The following LNPK variants were observed in gnomAD, a reference collection of about 807,000 sequenced individuals.
LNPK encodes endoplasmic reticulum junction formation protein lunapark.
Under a neutral mutation model 55.2 loss-of-function variants are expected in LNPK, and 29 were observed. That is an observed-to-expected ratio of 0.53 (90% CI 0.39 to 0.72). LNPK has a LOEUF of 0.72. LNPK is among the 30% of genes least tolerant of loss of function. The pLI, the probability that LNPK is intolerant of heterozygous loss-of-function variation, is 0.00. For synonymous variants in LNPK, 162 were observed against 168.2 expected (o/e 0.96, Z 0.29); for missense variants, 467 against 494.8 (o/e 0.94, Z 0.53).
chr2:175,925,922 C>A lies in LNPK; in HGVS notation c.*4045G>T, dbSNP rs556851959. On this transcript the variant is annotated 3_prime_UTR_variant, in exon 13 of 13. Coordinates refer to ENST00000272748, the MANE Select transcript of LNPK (RefSeq NM_030650.3). ...CAGATGATCTGCCCGCCTCAGCCTC[C>A]CAACTTGCTGGGATTACAGGCGTGA... 1 of 152,364 alleles carries A rather than the reference C, an allele frequency of 6.6e-6. No individual in the cohort carries two copies. The highest frequency in any genetic ancestry group is 1.9e-4 in the East Asian group (1 of 5,160). The allele number at this position is 152,364 out of a possible 1,614,324, so 9.4% of individuals were successfully genotyped here.
intron 4 of LNPK, among the ~76,000 whole-genome samples, chr2:175,988,073 C>A (rs1357208517): frequency 1.3e-5 from 2 of 152,130 alleles, no homozygotes; most frequent in Non-Finnish European, 2.9e-5. Context: ...TTTTCACCAA[C>A]CTTCATATAT....
chr2:175,930,846 T>C (rs200276919), intron 12 of LNPK, among the ~76,000 whole-genome samples: 1 of 152,330 alleles, frequency 6.6e-6, no homozygotes, highest in East Asian at 1.9e-4. Flanking sequence ...ACTACATACC[T>C]AGCATGTTAG....
Position 175,937,514 on chromosome 2 carries a change from G to T in LNPK, c.884C>A (p.Ala295Asp). ...MALKEEFEYI[A>D]FRCAYCFFLN... is the part of the protein sequence containing the mutation. ...GAAAAAACAGTAGGCACATCGAAAA[G>T]CTGCAGAGAATTTTTTAAAAATAAG... The change falls in exon 12 of 13, where the codon GCT (alanine) becomes GAT (aspartate). Residue 295 changes from alanine to aspartate, a missense_variant and splice_region_variant. Coordinates refer to ENST00000272748, the MANE Select transcript of LNPK (RefSeq NM_030650.3). 4 of 1,604,194 alleles carry T rather than the reference G, an allele frequency of 2.5e-6. No homozygotes were observed. The highest frequency in any genetic ancestry group is 3.4e-6 in the Non-Finnish European group (4 of 1,176,476).
At chr2:175,976,440 C>T (rs1055092883) in intron 5 of LNPK, among the ~76,000 whole-genome samples, 6 of 152,244 alleles carry the variant, frequency 3.9e-5, no homozygotes, top group Non-Finnish European at 8.8e-5. Flanking sequence ...GATGGTTAAT[C>T]GTATATGTCA....
At chr2:175,982,739 T>G (rs1005973515) in intron 4 of LNPK, among the ~76,000 whole-genome samples, 5 of 152,168 alleles carry the variant, frequency 3.3e-5, no homozygotes, top group Non-Finnish European at 7.4e-5. Context: ...CTAAAGTACT[T>G]CAGGACTCTG....
At chr2:175,995,271 A>G (rs1466728290) in intron 2 of LNPK, among the ~76,000 whole-genome samples, 2 of 152,192 alleles carry the variant, frequency 1.3e-5, no homozygotes, top group African/African-American at 2.4e-5. Flanking sequence ...CTTAGGAAGT[A>G]TAAGAAAACA....
chr2:175,939,183 G>A (rs1684694587), intron 10 of LNPK, among the ~76,000 whole-genome samples: 1 of 151,988 alleles, frequency 6.6e-6, no homozygotes, highest in Non-Finnish European at 1.5e-5. Flanking sequence ...CATGCAAATT[G>A]CTCTTAACAT....
intron 8 of LNPK, among the ~76,000 whole-genome samples, chr2:175,949,550 T>C (rs1685302433): frequency 6.6e-6 from 1 of 152,086 alleles, no homozygotes; most frequent in Admixed American, 6.6e-5. Context: ...GCAGCTATTA[T>C]CCTTCCTCTT....
At chr2:175,995,747 A>T (rs2105367556) in intron 1 of LNPK, 101 bp from the exon 2 acceptor site, 1 of 279,126 alleles carries the variant, frequency 3.6e-6, no homozygotes, top group Non-Finnish European at 6.9e-6. Flanking sequence ...ATATTAATTT[A>T]TTTGGATGCC....
At chr2:175,971,774 C>G (rs1686674622) in intron 5 of LNPK, among the ~76,000 whole-genome samples, 1 of 152,158 alleles carries the variant, frequency 6.6e-6, no homozygotes, top group Admixed American at 6.5e-5. Context: ...AGGAAATCTG[C>G]TAACATCTTC....
chr2:175,972,103 A>G (rs1686689711), intron 5 of LNPK, among the ~76,000 whole-genome samples: 1 of 152,076 alleles, frequency 6.6e-6, no homozygotes, highest in Non-Finnish European at 1.5e-5. Context: ...TTTAGTACGG[A>G]CAGGGTTTCT....
intron 8 of LNPK, among the ~76,000 whole-genome samples, chr2:175,950,956 G>A (rs1189534459): frequency 6.6e-6 from 1 of 152,072 alleles, no homozygotes; most frequent in Non-Finnish European, 1.5e-5. Flanking sequence ...CACATTAAAT[G>A]TTCCCTTAGT....
intron 12 of LNPK, among the ~76,000 whole-genome samples, chr2:175,932,752 T>C (rs1279414177): frequency 6.6e-6 from 1 of 152,208 alleles, no homozygotes; most frequent in African/African-American, 2.4e-5. Flanking sequence ...TTTAATGTGT[T>C]ACAAACATAC....
intron 12 of LNPK, among the ~76,000 whole-genome samples, chr2:175,933,211 CAA>C: frequency 6.6e-6 from 1 of 152,092 alleles, no homozygotes; most frequent in South Asian, 2.1e-4. Context: ...GTTGTTTGGG[CAA>C]AGTCTCAACT....
chr2:175,950,778 C>CA (rs1231248280), intron 8 of LNPK, among the ~76,000 whole-genome samples: 1 of 151,926 alleles, frequency 6.6e-6, no homozygotes, highest in Non-Finnish European at 1.5e-5. Flanking sequence ...GATTAAATGA[C>CA]AAAATCAAGA....
chr2:175,968,501 G>A (rs1254998070), intron 6 of LNPK, among the ~76,000 whole-genome samples: 1 of 152,152 alleles, frequency 6.6e-6, no homozygotes, highest in Non-Finnish European at 1.5e-5. Flanking sequence ...TGCTTGCACA[G>A]ATTACTCAGT....
intron 6 of LNPK, chr2:175,967,535 A>G (rs528140449): frequency 3.7e-6 from 2 of 540,746 alleles, no homozygotes; most frequent in Admixed American, 1.3e-4. Flanking sequence ...TACTCATGAA[A>G]AATATTCCAG....
chr2:175,985,314 T>C (rs1687353969), intron 4 of LNPK, among the ~76,000 whole-genome samples: 2 of 152,226 alleles, frequency 1.3e-5, no homozygotes, highest in African/African-American at 4.8e-5. Context: ...GGCGATAAAA[T>C]TGCACAGAAA....
chr2:175,998,337 G>A (rs1451884608), intron 1 of LNPK, among the ~76,000 whole-genome samples: 4 of 151,680 alleles, frequency 2.6e-5, no homozygotes, highest in East Asian at 1.9e-4. Flanking sequence ...CCAGCTACTC[G>A]GGAGGCTGAG....
Sources: gnomAD v4.1 joint callset for allele counts (sites outside exome capture counted in the v4.1 genomes callset) on GRCh38, gnomAD v4.1.1 for gene constraint, MANE v1.5 for transcripts, NCBI Gene and HGNC (gene_info 2026-07-23, HGNC 2026-07-21) for gene names.